The following STOML3 variants were observed in gnomAD, a reference collection of about 807,000 sequenced individuals.
STOML3 encodes stomatin like 3, also known as stomatin-like protein 3.
Under a neutral mutation model 29.5 loss-of-function variants are expected in STOML3, and 31 were observed. The ratio of observed to expected loss-of-function variants is 1.05; its 90% CI spans 0.79 to 1.42. The LOEUF is 1.42. STOML3 is among the 40% of genes most tolerant of loss of function. The pLI is 0.00. For missense variants in STOML3, 380 were observed against 363.0 expected, an observed-to-expected ratio of 1.05 and a Z score of -0.38; for synonymous variants, 122 against 139.8, an observed-to-expected ratio of 0.87 and a Z score of 0.90.
rs1273534238 is a variant in STOML3 at position 38,966,835 on chromosome 13, T to C, written c.866A>G (p.Asn289Ser). Reference protein sequence around the residue: ...VSYDNHKKLPNKA With the variant: ...VSYDNHKKLPSKA ...TACCGCAAGAGGACCTCAGGCTTTA[T>C]TTGGAAGCTTCTTGTGGTTATCATA... The change falls in exon 7 of 7, where the codon AAT becomes AGT. Residue 289 changes from asparagine to serine, a missense_variant. Physicochemically the swap from Asn to Ser is conservative, Grantham distance 46. Transcript: ENST00000379631. 1.9e-6 allele frequency: 3 copies of C among 1,613,054 alleles called. No homozygotes were observed. The highest frequency in any genetic ancestry group is 2.2e-5 in the East Asian group (1 of 44,864).
chr13:38,987,793 T>TTTTATATAA (rs1868650912), intron 1 of STOML3, among the ~76,000 whole-genome samples: 2 of 110,722 alleles, frequency 1.8e-5, no homozygotes, highest in Non-Finnish European at 3.4e-5. Flanking sequence ...ATATATTATA[T>TTTTATATAA]ATTATATTTT....
chr13:38,979,372 A>C (rs1881196533), intron 1 of STOML3, among the ~76,000 whole-genome samples: 2 of 152,240 alleles, frequency 1.3e-5, no homozygotes, highest in African/African-American at 4.8e-5. Flanking sequence ...TAACACAACT[A>C]AAGTTCCCTG....
intron 1 of STOML3, among the ~76,000 whole-genome samples, chr13:38,985,488 T>A (rs555823150): frequency 2.6e-5 from 4 of 152,288 alleles, no homozygotes; most frequent in African/African-American, 9.6e-5. Flanking sequence ...TTGCATCATC[T>A]TATCATTCTT....
At chr13:38,989,161 C>T (rs1334691884) in intron 1 of STOML3, among the ~76,000 whole-genome samples, 5 of 151,682 alleles carry the variant, frequency 3.3e-5, no homozygotes, top group Admixed American at 2.0e-4. Context: ...CACAGGAAAT[C>T]AGACATTGCA....
chr13:38,987,785 A>G (rs1868648924), intron 1 of STOML3, among the ~76,000 whole-genome samples: 1 of 112,516 alleles, frequency 8.9e-6, no homozygotes, highest in Non-Finnish European at 1.7e-5. Context: ...TATTGTGTAT[A>G]TATTATATAT....
chr13:38,988,519 T>TATATTTTATATATAATATATTTTATATC (rs1868814477), intron 1 of STOML3, among the ~76,000 whole-genome samples: 3 of 124,428 alleles, frequency 2.4e-5, no homozygotes. Context: ...TTTTATATCA[T>TATATTTTATATATAATATATTTTATATC]ATATTTTATA....
rs1370691932 is a variant in STOML3 at position 38,972,684 on chromosome 13, G to A, written c.230-90C>T. Reference sequence around the variant, plus strand: ...CAGCATAGTGCATCATTTACATGGGGCGATACATGTTTCTCAGATGATCCT... The same window carrying A: ...CAGCATAGTGCATCATTTACATGGGACGATACATGTTTCTCAGATGATCCT... On this transcript the variant is annotated intron_variant, in intron 3 of 6. Coordinates refer to ENST00000379631, the MANE Select transcript of STOML3 (RefSeq NM_145286.3). The A allele has an allele frequency of 2.7e-6, 3 of 1,106,320 alleles. No individual in the cohort carries two copies. In the Admixed American group the frequency reaches 5.6e-5, roughly 21 times the overall value. 68.5% of individuals were successfully genotyped at this position (1,106,320 alleles called of 1,614,324 possible). A position where few individuals can be genotyped will look rare whatever the true frequency, so the allele number is the denominator to read the frequency against.
At chr13:38,984,775 T>A (rs75785052) in intron 1 of STOML3, among the ~76,000 whole-genome samples, 48 of 152,308 alleles carry the variant, frequency 3.2e-4, no homozygotes, top group African/African-American at 1.2e-3. Context: ...GTACACCCTC[T>A]ATCATAACTT....
rs757136603 is a variant in STOML3 at position 38,990,803 on chromosome 13, T to A, written c.-82A>T. 1.5e-5 allele frequency: 20 copies of A among 1,323,176 alleles called. No individual in the cohort carries two copies. Among genetic ancestry groups the A allele is most frequent in the Non-Finnish European group, 2.1e-5 (19 of 924,034 alleles). 82.0% of individuals were successfully genotyped at this position (1,323,176 alleles called of 1,614,324 possible). A position where few individuals can be genotyped will look rare whatever the true frequency, so the allele number is the denominator to read the frequency against. On this transcript the variant is annotated 5_prime_UTR_variant, in exon 1 of 7. Coordinates refer to ENST00000379631, the MANE Select transcript of STOML3 (RefSeq NM_145286.3). The stretch of plus-strand genomic sequence containing the variant: ...TGAAGAACAGGCAGCAACTCAGATG[T>A]GCTTGGGAGAGGGGAGAGGAGAAAG...
In STOML3 at chr13:38,976,549, T is replaced by G. The variant is rs1306543639; in HGVS notation, c.220A>C (p.Lys74Gln). The G allele has an allele frequency of 1.2e-6, 2 of 1,614,094 alleles. No individual in the cohort carries two copies. The highest frequency in any genetic ancestry group is 2.7e-5 in the African/African-American group (2 of 74,936). ...ACCGCGTCATTCATACCTGGCCCCT[T>G]GGCTTTGTCAGCTTGGATGCGTCCC... ...RLGRIQADKA[K>Q]GPGLILVLPC... is the part of the protein sequence containing the mutation. Residue 74 changes from lysine (K) to glutamine (Q), a missense_variant, in exon 3 of 7, where the codon AAG (lysine) becomes CAG (glutamine). Coordinates refer to ENST00000379631, the MANE Select transcript of STOML3 (RefSeq NM_145286.3).
chr13:38,972,636 A>G (rs373630430), intron 3 of STOML3, 42 bp from the exon 4 acceptor site: 2 of 1,573,000 alleles, frequency 1.3e-6, no homozygotes, highest in African/African-American at 2.7e-5. Context: ...CTCTGTTGAA[A>G]ATAACTACAA....
chr13:38,986,238 T>C (rs1429565729), intron 1 of STOML3, among the ~76,000 whole-genome samples: 1 of 151,952 alleles, frequency 6.6e-6, no homozygotes, highest in Non-Finnish European at 1.5e-5. Flanking sequence ...TTTCACCATG[T>C]TGGACAGGCT....
rs773475775 is a variant in STOML3 at position 38,976,590 on chromosome 13, G to A, written c.179C>T (p.Ala60Val). ...CLKIIKEYER[A>V]VVFRLGRIQA... ...GATGCGTCCCAGACGGAATACAACA[G>A]CACGTTCATACTCCTTAATGATCTA... Residue 60 changes from alanine to valine, a missense_variant, in exon 3 of 7, where the codon GCT (alanine) becomes GTT (valine). By Grantham distance (64) the Ala-to-Val change is moderately conservative. Coordinates refer to ENST00000379631, the MANE Select transcript of STOML3 (RefSeq NM_145286.3). The A allele has an allele frequency of 6.2e-7, 1 of 1,614,204 alleles. No homozygotes were observed. Among genetic ancestry groups the A allele is most frequent in the Non-Finnish European group, 8.5e-7 (1 of 1,180,046 alleles).
chr13:38,978,373 C>A (rs928132318), intron 1 of STOML3, among the ~76,000 whole-genome samples: 4 of 151,940 alleles, frequency 2.6e-5, no homozygotes, highest in African/African-American at 4.8e-5. Context: ...AGGCTGGTGT[C>A]GAACTCCTGA....
In STOML3 at chr13:38,976,544, C is replaced by T. The variant is rs374033159; in HGVS notation, c.225G>A (p.Gly75=). 1 of 1,614,062 alleles carries T rather than the reference C, an allele frequency of 6.2e-7. No individual in the cohort carries two copies. The highest frequency in any genetic ancestry group is 1.3e-5 in the African/African-American group (1 of 74,918). ...LGRIQADKAK[G]PGLILVLPCI... is the part of the protein sequence containing the mutation. ...CAGCCACCGCGTCATTCATACCTGG[C>T]CCCTTGGCTTTGTCAGCTTGGATGC... Residue 75 remains glycine, a synonymous_variant, in exon 3 of 7, where the codon GGG becomes GGA. Coordinates refer to ENST00000379631, the MANE Select transcript of STOML3 (RefSeq NM_145286.3).
intron 3 of STOML3, among the ~76,000 whole-genome samples, chr13:38,975,764 T>C (rs78549440): frequency 0.013 from 1,983 of 151,932 alleles, 84 homozygotes; most frequent in Admixed American, 0.083. Flanking sequence ...CTTCGGGGAG[T>C]TTTAGTACCT....
chr13:38,985,428 C>CA (rs1232566315), intron 1 of STOML3, among the ~76,000 whole-genome samples: 2 of 150,858 alleles, frequency 1.3e-5, no homozygotes, highest in South Asian at 2.1e-4. Context: ...GACTTTGTCT[C>CA]AAAAAAAAAT....
At chr13:38,981,262 T>C (rs2138020448) in intron 1 of STOML3, among the ~76,000 whole-genome samples, 1 of 152,008 alleles carries the variant, frequency 6.6e-6, no homozygotes, top group Non-Finnish European at 1.5e-5. Flanking sequence ...ACTTAGGGAG[T>C]GAGGCAAAGC....
chr13:38,971,340 G>A (rs1252453155), intron 4 of STOML3, among the ~76,000 whole-genome samples: 2 of 152,164 alleles, frequency 1.3e-5, no homozygotes, highest in Non-Finnish European at 2.9e-5. Context: ...ACCTGGGGCT[G>A]AATTCAAAAG....
Sources: allele counts gnomAD v4.1 joint callset (sites outside exome capture counted in the v4.1 genomes callset), GRCh38; gene constraint gnomAD v4.1.1; transcripts MANE v1.5; gene names NCBI Gene and HGNC (gene_info 2026-07-23, HGNC 2026-07-21).